Variants in THSD7B observed in about 807,000 individuals in gnomAD.
THSD7B encodes thrombospondin type 1 domain containing 7B.
A neutral mutation model predicts 213.6 loss-of-function variants in THSD7B; 138 were observed. The ratio of observed to expected loss-of-function variants is 0.65; its 90% CI spans 0.56 to 0.74. THSD7B has a LOEUF of 0.74. Among genes scored for constraint, THSD7B ranks in the 30% least tolerant of loss-of-function variants. The pLI, the probability that THSD7B is intolerant of heterozygous loss-of-function variation, is 0.00. For missense variants in THSD7B, 1,931 were observed against 1,991.5 expected, an observed-to-expected ratio of 0.97 and a Z score of 0.58; for synonymous variants, 742 against 687.0, an observed-to-expected ratio of 1.08 and a Z score of -1.25.
chr2:137,103,069 C>T (rs192348427), intron 4 of THSD7B, among the ~76,000 whole-genome samples: 1 of 152,148 alleles, frequency 6.6e-6, no homozygotes, highest in Non-Finnish European at 1.5e-5. Flanking sequence ...AAGAGCAACC[C>T]CAAGACACAA....
chr2:137,039,448 G>A (rs1686838607), intron 2 of THSD7B, among the ~76,000 whole-genome samples: 1 of 152,174 alleles, frequency 6.6e-6, no homozygotes, highest in Non-Finnish European at 1.5e-5. Context: ...CCATTTAAAG[G>A]GTTGAGGCCA....
chr2:137,209,078 C>A (rs1487072332), intron 7 of THSD7B, among the ~76,000 whole-genome samples: 1 of 151,996 alleles, frequency 6.6e-6, no homozygotes, highest in Non-Finnish European at 1.5e-5. Context: ...AAACTATAAA[C>A]TAAATTTTTT....
intron 1 of THSD7B, among the ~76,000 whole-genome samples, chr2:136,798,212 G>C (rs958429664): frequency 6.6e-6 from 1 of 151,870 alleles, no homozygotes; most frequent in African/African-American, 2.4e-5. Context: ...AGGGTTCAGA[G>C]TCTGGATACC....
chr2:137,387,513 A>T (rs763251752), intron 12 of THSD7B, among the ~76,000 whole-genome samples: 10 of 152,214 alleles, frequency 6.6e-5, no homozygotes, highest in Non-Finnish European at 1.2e-4. Flanking sequence ...ATTAAGCATT[A>T]AATTGTCCCT....
intron 1 of THSD7B, among the ~76,000 whole-genome samples, chr2:136,848,474 C>G (rs1683045841): frequency 6.6e-6 from 1 of 152,050 alleles, no homozygotes. Flanking sequence ...GATTTGAAAA[C>G]TAGCAAAAGA....
intron 17 of THSD7B, among the ~76,000 whole-genome samples, chr2:137,610,250 T>C (rs1262605004): frequency 6.6e-6 from 1 of 152,110 alleles, no homozygotes; most frequent in African/African-American, 2.4e-5. Flanking sequence ...TTAGTGGATC[T>C]AGAATGGGAT....
chr2:137,048,107 G>A (rs1477140762), intron 2 of THSD7B, among the ~76,000 whole-genome samples: 1 of 151,528 alleles, frequency 6.6e-6, no homozygotes, highest in Non-Finnish European at 1.5e-5. Flanking sequence ...CCCTCCCAGT[G>A]TCCATGTGTT....
chr2:137,487,685 C>T (rs1688493598), intron 15 of THSD7B, among the ~76,000 whole-genome samples: 1 of 150,310 alleles, frequency 6.7e-6, no homozygotes, highest in African/African-American at 2.5e-5. Context: ...GTACAAACAC[C>T]TCTACGCAAA....
intron 2 of THSD7B, among the ~76,000 whole-genome samples, chr2:136,908,159 G>A (rs1411232158): frequency 6.6e-6 from 1 of 151,946 alleles, no homozygotes; most frequent in Non-Finnish European, 1.5e-5. Flanking sequence ...GCTTCCAGGA[G>A]CTCATTTTAA....
chr2:137,609,214 T>C (rs559052732), intron 17 of THSD7B, among the ~76,000 whole-genome samples: 5 of 152,080 alleles, frequency 3.3e-5, no homozygotes, highest in African/African-American at 1.2e-4. Flanking sequence ...CATGAGCCTA[T>C]TAGGGGAAAG....
intron 2 of THSD7B, among the ~76,000 whole-genome samples, chr2:136,950,001 C>G (rs1432309826): frequency 6.6e-6 from 1 of 152,218 alleles, no homozygotes; most frequent in South Asian, 2.1e-4. Context: ...CGCCTGTAAT[C>G]GTAGCACTTT....
chr2:137,301,842 A>G (rs1269705237), intron 12 of THSD7B, among the ~76,000 whole-genome samples: 2 of 152,260 alleles, frequency 1.3e-5, no homozygotes, highest in Middle Eastern at 3.4e-3. Context: ...GGGGAGAGGT[A>G]TAAAGCCTTG....
At chr2:137,103,975 A>G (rs979595724) in intron 4 of THSD7B, among the ~76,000 whole-genome samples, 3 of 152,200 alleles carry the variant, frequency 2.0e-5, no homozygotes, top group African/African-American at 7.2e-5. Flanking sequence ...TAGATCAACG[A>G]GACAGAAAAT....
chr2:137,234,545 T>G (rs895984444), intron 9 of THSD7B, among the ~76,000 whole-genome samples: 4 of 152,164 alleles, frequency 2.6e-5, no homozygotes, highest in Non-Finnish European at 5.9e-5. Context: ...TATTTGCAAG[T>G]CGTACTGTGA....
At position 137,484,106 on chromosome 2, in the gene THSD7B, G is replaced by T. The variant is rs539012819; in HGVS notation, c.3138+33083G>T. ...ACATATGTATACATGTGCCATGCTGGTGTGCTGCACCCATTACCTCGTCAT... is the reference window on the plus strand; with the variant it reads ...ACATATGTATACATGTGCCATGCTGTTGTGCTGCACCCATTACCTCGTCAT... On this transcript the variant is annotated intron_variant, in intron 15 of 27. Transcript: ENST00000409968. Among the ~76,000 whole-genome samples, 5 of 151,462 alleles carry T rather than the reference G, an allele frequency of 3.3e-5. No individual in the cohort carries two copies. In the South Asian group the frequency reaches 1.1e-3, roughly 32 times the overall value.
rs144121283 is a variant in THSD7B at position 136,799,720 on chromosome 2, T to C, written c.-36+34033T>C. Among the ~76,000 whole-genome samples, 928 of 152,136 alleles carry C rather than the reference T, an allele frequency of 6.1e-3. 14 individuals are homozygous for C. The highest frequency in any genetic ancestry group is 0.021 in the African/African-American group (863 of 41,546). ...GTGCTTCTCCTGGACCTGAGTTAAT[T>C]TGAAAGAAATAGAACTTTCAGAGAT... On this transcript the variant is annotated intron_variant, in intron 1 of 27. Transcript: ENST00000409968.
chr2:137,641,699 A>G (rs553083850), intron 20 of THSD7B, among the ~76,000 whole-genome samples: 9 of 152,356 alleles, frequency 5.9e-5, no homozygotes, highest in Admixed American at 2.0e-4. Flanking sequence ...AGGAGGGGGC[A>G]GAAGATGACA....
intron 4 of THSD7B, among the ~76,000 whole-genome samples, chr2:137,106,278 A>T (rs944801171): frequency 1.4e-5 from 2 of 145,608 alleles, no homozygotes; most frequent in Admixed American, 1.3e-4. Flanking sequence ...CAAACCTGAC[A>T]CAAACAAGCA....
intron 12 of THSD7B, among the ~76,000 whole-genome samples, chr2:137,319,316 C>T (rs1255593847): frequency 6.6e-6 from 1 of 151,428 alleles, no homozygotes; most frequent in Non-Finnish European, 1.5e-5. Context: ...CTGTTTCCTA[C>T]TCTTCTTCCA....
Sources: allele counts gnomAD v4.1 joint callset (sites outside exome capture counted in the v4.1 genomes callset), GRCh38; gene constraint gnomAD v4.1.1; transcripts MANE v1.5; gene names NCBI Gene and HGNC (gene_info 2026-07-23, HGNC 2026-07-21).